Variants in SYNPR observed in about 807,000 individuals in gnomAD.
SYNPR encodes synaptoporin.
In SYNPR, 23 loss-of-function variants were observed where a neutral mutation model predicts 32.9. The ratio of observed to expected loss-of-function variants is 0.70; its 90% confidence interval spans 0.50 to 0.99. The LOEUF (loss-of-function observed/expected upper bound fraction) is 0.99. Ranked by LOEUF, SYNPR falls within the 50% of genes least tolerant of loss-of-function variation. The probability of loss-of-function intolerance (pLI) is 0.00; values close to 1 mark genes in which losing one functional copy is unlikely to be tolerated. For missense variants in SYNPR, 318 were observed against 349.3 expected (o/e 0.91, Z 0.71); for synonymous variants, 146 against 135.9 (o/e 1.07, Z -0.52).
intron 2 of SYNPR, among the ~76,000 whole-genome samples, chr3:63,256,624 C>T (rs1040902343): frequency 6.6e-6 from 1 of 152,118 alleles, no homozygotes; most frequent in Non-Finnish European, 1.5e-5. Context: ...GGAGAAAAAA[C>T]AGAGCAGAAA....
intron 4 of SYNPR, among the ~76,000 whole-genome samples, chr3:63,607,087 T>C (rs773608319): frequency 4.6e-5 from 7 of 152,236 alleles, no homozygotes; most frequent in Non-Finnish European, 8.8e-5. Context: ...TTCCCCATTC[T>C]ATGGGCCTTT....
At chr3:63,509,965 C>CT (rs10715054) in intron 3 of SYNPR, among the ~76,000 whole-genome samples, 1 of 151,614 alleles carries the variant, frequency 6.6e-6, no homozygotes, top group African/African-American at 2.4e-5. Flanking sequence ...TCTTTGCTTC[C>CT]TTTTTTTCCT....
intron 2 of SYNPR, among the ~76,000 whole-genome samples, chr3:63,359,854 A>G (rs2087632696): frequency 6.6e-6 from 1 of 152,232 alleles, no homozygotes; most frequent in Non-Finnish European, 1.5e-5. Context: ...TATAAACAAC[A>G]TAAAATAACT....
rs542661878 is a variant in SYNPR, at chr3:63,604,318, G to T, written c.409-4807G>T. On this transcript the variant is annotated intron_variant, in intron 4 of 5. Coordinates refer to ENST00000478300, the MANE Select transcript of SYNPR (RefSeq NM_001130003.2). ...CAACTTTAAGATTCATTGATCTTTT[G>T]TATGGTTTTTCACATCCCATTTCCT... Among the ~76,000 whole-genome samples, 897 of 152,140 alleles carry T rather than the reference G, an allele frequency of 5.9e-3. 5 individuals are homozygous for T. The highest frequency in any genetic ancestry group is 9.9e-3 in the Non-Finnish European group (672 of 67,974).
At chr3:63,508,008 A>T (rs932604658) in intron 3 of SYNPR, among the ~76,000 whole-genome samples, 7 of 152,156 alleles carry the variant, frequency 4.6e-5, no homozygotes, top group Admixed American at 4.6e-4. Flanking sequence ...AAGTATTAAG[A>T]TGTTAACATT....
intron 1 of SYNPR, among the ~76,000 whole-genome samples, chr3:63,235,715 C>T (rs1460601673): frequency 3.3e-5 from 5 of 152,072 alleles, no homozygotes; most frequent in African/African-American, 9.7e-5. Context: ...TATTTGGTCT[C>T]ATTTCTAAAA....
chr3:63,453,161 C>A (rs1418424925), intron 2 of SYNPR, among the ~76,000 whole-genome samples: 2 of 152,260 alleles, frequency 1.3e-5, no homozygotes, highest in South Asian at 4.1e-4. Flanking sequence ...AAGCTCAGAT[C>A]TAGCACAAGT....
chr3:63,439,062 A>G (rs967549153), intron 2 of SYNPR, among the ~76,000 whole-genome samples: 10 of 152,232 alleles, frequency 6.6e-5, no homozygotes, highest in African/African-American at 2.4e-4. Context: ...AATAGAAGCT[A>G]TAAGGCAAAG....
intron 1 of SYNPR, among the ~76,000 whole-genome samples, chr3:63,249,054 CAAACA>C (rs1381809329): frequency 2.0e-5 from 3 of 152,020 alleles, no homozygotes; most frequent in East Asian, 3.9e-4. Context: ...TTTGCCTTCC[CAAACA>C]AAAGTAAATA....
chr3:63,390,006 T>G (rs1029450561), intron 2 of SYNPR, among the ~76,000 whole-genome samples: 2 of 152,226 alleles, frequency 1.3e-5, no homozygotes, highest in African/African-American at 4.8e-5. Flanking sequence ...ATTAATTCAC[T>G]TCAGTTAGAA....
intron 2 of SYNPR, among the ~76,000 whole-genome samples, chr3:63,479,761 A>G (rs183780399): frequency 2.0e-5 from 3 of 152,266 alleles, no homozygotes; most frequent in South Asian, 4.2e-4. Context: ...GTTAACATCA[A>G]TGCTATTTTT....
At chr3:63,235,776 T>C (rs1224508408) in intron 1 of SYNPR, among the ~76,000 whole-genome samples, 1 of 152,178 alleles carries the variant, frequency 6.6e-6, no homozygotes, top group Non-Finnish European at 1.5e-5. Context: ...TTGTTGGATA[T>C]GAGGTTTGCA....
intron 2 of SYNPR, among the ~76,000 whole-genome samples, chr3:63,280,652 TTTTTATTC>T (rs2086620094): frequency 6.6e-6 from 1 of 152,240 alleles, no homozygotes; most frequent in African/African-American, 2.4e-5. Context: ...TTCCACTAGA[TTTTTATTC>T]ATTCACTCAT....
chr3:63,608,466 C>G (rs1020393884), intron 4 of SYNPR, among the ~76,000 whole-genome samples: 1 of 152,200 alleles, frequency 6.6e-6, no homozygotes, highest in Non-Finnish European at 1.5e-5. Context: ...TACAAAACCT[C>G]TCACCCATAG....
chr3:63,327,445 T>C (rs145305144), intron 2 of SYNPR, among the ~76,000 whole-genome samples: 4 of 152,160 alleles, frequency 2.6e-5, no homozygotes, highest in African/African-American at 9.7e-5. Context: ...TAGCTATATG[T>C]ATTATAAATG....
upstream of SYNPR, among the ~76,000 whole-genome samples, chr3:63,224,762 T>C (rs1267224939): frequency 1.3e-5 from 2 of 152,174 alleles, no homozygotes; most frequent in African/African-American, 4.8e-5. Flanking sequence ...CAGGGTGGCA[T>C]GAACCAGGTG....
In SYNPR at chr3:63,556,531, C is replaced by T. The variant is rs1480130220; in HGVS notation, c.210-12C>T. The T allele has an allele frequency of 2.5e-6, 4 of 1,601,278 alleles. No homozygotes were observed. The highest frequency in any genetic ancestry group is 2.6e-6 in the Non-Finnish European group (3 of 1,173,252). On this transcript the variant is annotated splice_polypyrimidine_tract_variant and intron_variant, in intron 3 of 5. Coordinates refer to ENST00000478300, the MANE Select transcript of SYNPR (RefSeq NM_001130003.2). ...GCATTTAAAGAATGTCTCCTTAAAT[C>T]TGGCAATTTAGGTTGCACCAGGTGA...
chr3:63,389,552 C>T, intron 2 of SYNPR, among the ~76,000 whole-genome samples: 1 of 152,194 alleles, frequency 6.6e-6, no homozygotes, highest in East Asian at 1.9e-4. Context: ...CTGAACCAAT[C>T]ACTGAGGTTG....
intron 3 of SYNPR, among the ~76,000 whole-genome samples, chr3:63,528,065 T>C (rs1288665680): frequency 6.6e-6 from 1 of 152,174 alleles, no homozygotes; most frequent in Non-Finnish European, 1.5e-5. Flanking sequence ...ATATCTGATT[T>C]TGAGAAAAAT....
Sources: allele counts gnomAD v4.1 joint callset (sites outside exome capture counted in the v4.1 genomes callset), GRCh38; gene constraint gnomAD v4.1.1; transcripts MANE v1.5; gene names NCBI Gene and HGNC (gene_info 2026-07-23, HGNC 2026-07-21).